The following VSX2 variants were observed in gnomAD, a reference collection of about 807,000 sequenced individuals.
The protein encoded by VSX2 is visual system homeobox 2, also known as ceh-10 homeo domain containing homolog.
In VSX2, 28 loss-of-function variants were observed where a neutral mutation model predicts 32.1. The observed-to-expected ratio is 0.87, with a 90% CI of 0.65 to 1.20. VSX2 has a LOEUF of 1.20. Among genes scored for constraint, VSX2 ranks in the 50% most tolerant of loss-of-function variants. The pLI, the probability that VSX2 is intolerant of heterozygous loss-of-function variation, is 0.00. For synonymous variants in VSX2, 243 were observed against 214.1 expected, an observed-to-expected ratio of 1.14 and a Z score of -1.18; for missense variants, 506 against 488.7, an observed-to-expected ratio of 1.04 and a Z score of -0.33.
chr14:74,252,818 A>G (rs963506176), intron 3 of VSX2, among the ~76,000 whole-genome samples: 2 of 151,272 alleles, frequency 1.3e-5, no homozygotes, highest in Non-Finnish European at 2.9e-5. Context: ...GAGGCCTCGG[A>G]GGGCGGATCA....
chr14:74,248,524 C>CA (rs200356083), intron 3 of VSX2, among the ~76,000 whole-genome samples: 4 of 150,472 alleles, frequency 2.7e-5, no homozygotes, highest in South Asian at 2.1e-4. Context: ...CCCATCTCTA[C>CA]AAAAAAAAAT....
intron 3 of VSX2, among the ~76,000 whole-genome samples, chr14:74,253,647 T>C (rs2079243482): frequency 6.6e-6 from 1 of 152,146 alleles, no homozygotes; most frequent in Non-Finnish European, 1.5e-5. Flanking sequence ...AGAAATGCAC[T>C]TGGCTGGGTG....
At chr14:74,258,453 G>A (rs949250577) in intron 3 of VSX2, among the ~76,000 whole-genome samples, 1 of 152,160 alleles carries the variant, frequency 6.6e-6, no homozygotes, top group Non-Finnish European at 1.5e-5. Flanking sequence ...GAAATCGGGA[G>A]GAAATGAACA....
At chr14:74,248,071 A>G (rs891637876) in intron 3 of VSX2, among the ~76,000 whole-genome samples, 3 of 152,108 alleles carry the variant, frequency 2.0e-5, no homozygotes, top group African/African-American at 7.2e-5. Flanking sequence ...TTTAGACTCC[A>G]AAACCCTTGC....
Position 74,259,677 on chromosome 14 carries a change from T to TATGG in VSX2, c.656_659dup (p.Leu221TrpfsTer126). On this transcript the variant is annotated frameshift_variant, in exon 4 of 5. Coordinates refer to ENST00000261980, the MANE Select transcript of VSX2 (RefSeq NM_182894.3). LOFTEE classifies it high-confidence loss of function. Reference sequence around the variant, plus strand: ...GGGCCGGAGCAGTGTCATGGCGGAGTATGGGCTCTACGGGGCCATGGTGCG... The same window carrying TATGG: ...GGGCCGGAGCAGTGTCATGGCGGAGTATGGATGGGCTCTACGGGGCCATGGTGCG... 1 of 1,614,006 alleles carries TATGG rather than the reference T, an allele frequency of 6.2e-7. No individual in the cohort carries two copies. The highest frequency in any genetic ancestry group is 8.5e-7 in the Non-Finnish European group (1 of 1,179,972).
In VSX2 at chr14:74,260,465, G is replaced by A. The variant is rs933977279; in HGVS notation, c.761-129G>A. 4.2e-5 allele frequency: 41 copies of A among 975,274 alleles called. No homozygotes were observed. The Admixed American group carries it at 7.9e-4, about 19-fold the overall frequency. 60.4% of individuals were successfully genotyped at this position (975,274 alleles called of 1,614,324 possible). ...CCTGGTCCAGCCCTGGGACTTGTGT[G>A]ACTGCGGTGTGGGGAGTAAGGCTTT... is the stretch of plus-strand genomic sequence containing the variant. On this transcript the variant is annotated intron_variant, in intron 4 of 4. Transcript: ENST00000261980.
At chr14:74,251,950 G>GTA (rs1256671778) in intron 3 of VSX2, among the ~76,000 whole-genome samples, 1 of 152,200 alleles carries the variant, frequency 6.6e-6, no homozygotes, top group Non-Finnish European at 1.5e-5. Context: ...GGCAGGGCAG[G>GTA]GCCTGAGGTA....
At position 74,260,601 on chromosome 14, in the gene VSX2, CA is replaced by C; in HGVS notation, c.773del (p.Lys258SerfsTer44). 1.2e-6 allele frequency: 2 copies of C among 1,602,290 alleles called. No homozygotes were observed. The highest frequency in any genetic ancestry group is 1.7e-5 in the Admixed American group (1 of 58,308). Reference sequence around the variant, plus strand: ...ACCAACAATTCTTTCTAGGGATGCACAAAAAGTCGCTGGAGGCAGCAGCCGA... The same window carrying C: ...ACCAACAATTCTTTCTAGGGATGCACAAAAGTCGCTGGAGGCAGCAGCCGA... ...SCAPWLLGMH[K>X]KSLEAAAESG... On this transcript the variant is annotated frameshift_variant, in exon 5 of 5. Transcript: ENST00000261980. LOFTEE classifies it high-confidence loss of function.
At chr14:74,259,837 C>A in intron 4 of VSX2, 55 bp downstream of exon 4, 1 of 1,566,160 alleles carries the variant, frequency 6.4e-7, no homozygotes. Flanking sequence ...GAGCGGGCTC[C>A]TTGGAGGAGG....
At chr14:74,251,124 G>A (rs148447131) in intron 3 of VSX2, among the ~76,000 whole-genome samples, 2,029 of 151,922 alleles carry the variant, frequency 0.013, 62 homozygotes, top group African/African-American at 0.047. Context: ...AGACCAGCCC[G>A]ACCAACATGA....
intron 4 of VSX2, among the ~76,000 whole-genome samples, chr14:74,260,200 T>C (rs1054388105): frequency 2.0e-5 from 3 of 152,134 alleles, no homozygotes; most frequent in African/African-American, 7.2e-5. Context: ...GTCCCCCAAA[T>C]CTCTCTACTT....
chr14:74,249,346 C>T (rs1171343959), intron 3 of VSX2, among the ~76,000 whole-genome samples: 13 of 151,892 alleles, frequency 8.6e-5, no homozygotes. Flanking sequence ...TCTCGGCTCA[C>T]CGAAGCCTCT....
At chr14:74,256,202 G>A (rs542906841) in intron 3 of VSX2, among the ~76,000 whole-genome samples, 38 of 152,280 alleles carry the variant, frequency 2.5e-4, no homozygotes, top group Non-Finnish European at 4.3e-4. Context: ...AGGCCAAGGC[G>A]GGTGGATCAC....
chr14:74,251,411 T>C (rs2079228412), intron 3 of VSX2, among the ~76,000 whole-genome samples: 1 of 152,094 alleles, frequency 6.6e-6, no homozygotes, highest in South Asian at 2.1e-4. Context: ...GATCGCGCCA[T>C]TGCACTCCAG....
chr14:74,239,609 A>C lies in VSX2; in HGVS notation c.48A>C (p.Thr16=), dbSNP rs894661629. Residue 16 remains threonine (T), a synonymous_variant, in exon 1 of 5, where the codon ACA becomes ACC. Transcript: ENST00000261980. ...GEALSKPKSE[T]VAKSTSGGAP... Reference sequence around the variant, plus strand: ...CGCTGAGCAAGCCCAAATCCGAGACAGTGGCCAAGAGTACCTCGGGGGGCG... The same window carrying C: ...CGCTGAGCAAGCCCAAATCCGAGACCGTGGCCAAGAGTACCTCGGGGGGCG... The C allele has an allele frequency of 3.9e-6, 6 of 1,551,304 alleles. No individual in the cohort carries two copies. The highest frequency in any genetic ancestry group is 5.2e-6 in the Non-Finnish European group (6 of 1,146,978).
intron 2 of VSX2, among the ~76,000 whole-genome samples, chr14:74,243,236 CGT>C (rs1667267050): frequency 6.6e-6 from 1 of 152,046 alleles, no homozygotes; most frequent in African/African-American, 2.4e-5. Flanking sequence ...TGGGGGGTGG[CGT>C]GGGGACAAAG....
Position 74,262,659 on chromosome 14 carries a change from AC to A in VSX2, c.*1741del, listed in dbSNP as rs2079316855. 1 of 152,216 alleles carries A rather than the reference AC, an allele frequency of 6.6e-6. No individual in the cohort carries two copies. The highest frequency in any genetic ancestry group is 2.4e-5 in the African/African-American group (1 of 41,450). The allele number at this position is 152,216 out of a possible 1,614,324, so 9.4% of individuals were successfully genotyped here. A position where few individuals can be genotyped will look rare whatever the true frequency, so the allele number is the denominator to read the frequency against. Reference sequence around the variant, plus strand: ...GTGTTTGAAATATGGAACTGTAATAACTTCTAGGTATTCGAAACCTGTGATT... The same window carrying A: ...GTGTTTGAAATATGGAACTGTAATAATTCTAGGTATTCGAAACCTGTGATT... On this transcript the variant is annotated 3_prime_UTR_variant, in exon 5 of 5. Transcript: ENST00000261980.
At chr14:74,259,873 T>C in intron 4 of VSX2, 91 bp downstream of exon 4, 20 of 1,356,992 alleles carry the variant, frequency 1.5e-5, no homozygotes, top group Non-Finnish European at 2.0e-5. Context: ...GCAGGGGCAC[T>C]TGGGCCACAG....
At chr14:74,242,934 C>G (rs2079160407) in intron 2 of VSX2, among the ~76,000 whole-genome samples, 1 of 152,174 alleles carries the variant, frequency 6.6e-6, no homozygotes, top group Non-Finnish European at 1.5e-5. Flanking sequence ...CTGTCACTCT[C>G]TTCGCCAGGA....
Sources: allele counts gnomAD v4.1 joint callset (sites outside exome capture counted in the v4.1 genomes callset), GRCh38; gene constraint gnomAD v4.1.1; transcripts MANE v1.5; gene names NCBI Gene and HGNC (gene_info 2026-07-23, HGNC 2026-07-21).